Variants in PEX6 observed in about 807,000 individuals in gnomAD.
PEX6 encodes peroxisome biogenesis factor 6.
Under a neutral mutation model 85.6 loss-of-function variants are expected in PEX6, and 55 were observed. That is an observed-to-expected ratio of 0.64 (90% CI 0.52 to 0.80). PEX6 has a LOEUF of 0.80. PEX6 is among the 30% of genes least tolerant of loss of function. The probability of loss-of-function intolerance (pLI) is 0.00; values close to 1 mark genes in which losing one functional copy is unlikely to be tolerated. For synonymous variants in PEX6, 519 were observed against 549.1 expected, an observed-to-expected ratio of 0.95 and a Z score of 0.77; for missense variants, 1,099 against 1,260.3, an observed-to-expected ratio of 0.87 and a Z score of 1.94.
chr6:42,977,004 C>T (rs891356137), intron 1 of PEX6, among the ~76,000 whole-genome samples: 5 of 152,052 alleles, frequency 3.3e-5, no homozygotes, highest in South Asian at 2.1e-4. Flanking sequence ...GTTCTAAATT[C>T]GTGGCTGTGA....
rs1251800022 is a variant in PEX6 at position 42,964,428 on chromosome 6, G to C, written c.2850C>G (p.Asp950Glu). 4.3e-6 allele frequency: 7 copies of C among 1,613,756 alleles called. No individual in the cohort carries two copies. The highest frequency in any genetic ancestry group is 3.3e-5 in the Admixed American group (2 of 60,008). The part of the protein sequence containing the change: ...GSSALMLTME[D>E]LLQAAARLQP... ...GCAGCCGGGCGGCAGCCTGCAGCAA[G>C]TCCTCCATGGTGAGCATCAGTGCTG... The change falls in exon 17 of 17, where the codon GAC becomes GAG. Residue 950 changes from aspartate (D) to glutamate (E), a missense_variant. By Grantham distance (45) the Asp-to-Glu change is conservative. This residue lies in a region of PEX6 where 514 missense variants were observed against 627.0 expected (regional missense o/e 0.82). Transcript: ENST00000304611. This position sits in a 1 kb window ranked among gnomAD's most constrained non-coding sequence, Gnocchi z 4.6.
At chr6:42,968,696 C>T in intron 6 of PEX6, among the ~76,000 whole-genome samples, 178 bp downstream of exon 6, 1 of 152,202 alleles carries the variant, frequency 6.6e-6, no homozygotes, top group East Asian at 1.9e-4. Context: ...TTGCAACTCC[C>T]TCCTCCTTGA....
In PEX6 at chr6:42,965,699, G is replaced by C. The variant is rs1769763491; in HGVS notation, c.2453C>G (p.Ser818Cys). 6.2e-7 allele frequency: 1 copy of C among 1,613,584 alleles called. No homozygotes were observed. The highest frequency in any genetic ancestry group is 8.5e-7 in the Non-Finnish European group (1 of 1,179,528). ...CCCCTACCTGTCCATCACTCCTCCA[G>C]AATCTCCACTTCGCCCCCGGCTTGG... is the stretch of plus-strand genomic sequence containing the variant. The part of the protein sequence containing the change: ...LAPSRGRSGD[S>C]GGVMDRVVSQ... Residue 818 changes from serine (S) to cysteine (C), a missense_variant, in exon 13 of 17, where the codon TCT (serine) becomes TGT (cysteine). By Grantham distance (112) the Ser-to-Cys change is moderately radical. Coordinates refer to ENST00000304611, the MANE Select transcript of PEX6 (RefSeq NM_000287.4). The surrounding 1 kb of genome is among the most constrained non-coding windows in gnomAD (Gnocchi z 5.0).
intron 1 of PEX6, among the ~76,000 whole-genome samples, chr6:42,976,903 T>A (rs897336319): frequency 6.6e-6 from 1 of 152,130 alleles, no homozygotes; most frequent in Non-Finnish European, 1.5e-5. Flanking sequence ...GTATTTACAA[T>A]ATATAATTGG....
In PEX6 at chr6:42,966,230, C is replaced by T. The variant is rs1354568509; in HGVS notation, c.2300+12G>A. ...TGATCCACCCACCATCCCTTCCAGG[C>T]CCCCTGGCCACCTGAGGAAGGTAAG... is the stretch of plus-strand genomic sequence containing the variant. On this transcript the variant is annotated intron_variant, in intron 11 of 16. Coordinates refer to ENST00000304611, the MANE Select transcript of PEX6 (RefSeq NM_000287.4). 2 of 1,611,164 alleles carry T rather than the reference C, an allele frequency of 1.2e-6. No individual in the cohort carries two copies. The highest frequency in any genetic ancestry group is 2.2e-5 in the East Asian group (1 of 44,874).
chr6:42,968,743 C>A (rs1769942067), intron 6 of PEX6, 131 bp downstream of exon 6: 2 of 816,648 alleles, frequency 2.4e-6, no homozygotes, highest in Admixed American at 3.6e-5. Flanking sequence ...TGGGAATATG[C>A]CTGACCCACT....
chr6:42,977,842 C>CTTT (rs34177781), intron 1 of PEX6, among the ~76,000 whole-genome samples: 2 of 115,652 alleles, frequency 1.7e-5, no homozygotes, highest in Non-Finnish European at 3.4e-5. Flanking sequence ...AAACATTATG[C>CTTT]TTTTTTTTTT....
chr6:42,978,491 G>T lies in PEX6; in HGVS notation c.660C>A (p.Gly220=). The T allele has an allele frequency of 6.2e-7, 1 of 1,614,126 alleles. No homozygotes were observed. Among genetic ancestry groups the T allele is most frequent in the Non-Finnish European group, 8.5e-7 (1 of 1,180,022 alleles). The change falls in exon 1 of 17, where the codon GGC becomes GGA. Residue 220 remains glycine, a synonymous_variant. Coordinates refer to ENST00000304611, the MANE Select transcript of PEX6 (RefSeq NM_000287.4). ...SCLRGLGLFQ[G]EWVWVAQARE... ...TGGCCTGGGCCACCCACACCCATTC[G>T]CCCTGGAAGAGGCCAAGGCCACGGA...
rs886037782 is a variant in PEX6 at position 42,964,882 on chromosome 6, C to A, written c.2714G>T (p.Cys905Phe). Residue 905 changes from cysteine to phenylalanine, a missense_variant, in exon 16 of 17, where the codon TGC becomes TTC. Cys to Phe is a radical substitution (Grantham distance 205). Coordinates refer to ENST00000304611, the MANE Select transcript of PEX6 (RefSeq NM_000287.4). This position sits in a 1 kb window ranked among gnomAD's most constrained non-coding sequence, Gnocchi z 4.6. ...GTCCGCGCCCGTCAGCTGGGGAGGG[C>A]AGCAATCTAGCACGTTTACCAGGCT... is the stretch of plus-strand genomic sequence containing the variant. ...SVSLVNVLDC[C>F]PPQLTGADLY... 1.1e-5 allele frequency: 17 copies of A among 1,614,138 alleles called. No individual in the cohort carries two copies. The highest frequency in any genetic ancestry group is 1.4e-5 in the Non-Finnish European group (16 of 1,180,022).
rs1769988633 is a variant in PEX6 at position 42,969,676 on chromosome 6, G to A, written c.1359C>T (p.Leu453=). Residue 453 remains leucine, a synonymous_variant, in exon 5 of 17, where the codon CTC becomes CTT. Coordinates refer to ENST00000304611, the MANE Select transcript of PEX6 (RefSeq NM_000287.4). Reference sequence around the variant, plus strand: ...GTGATGACCTCACTCACCCTGGCTGGAGGCGAGGCTTCAGGACAGCACAGA... The same window carrying A: ...GTGATGACCTCACTCACCCTGGCTGAAGGCGAGGCTTCAGGACAGCACAGA... The part of the protein sequence containing the change: ...SELCAVLKPR[L]QPGGALLTGT... 15 of 1,612,592 alleles carry A rather than the reference G, an allele frequency of 9.3e-6. No individual in the cohort carries two copies. Among genetic ancestry groups the A allele is most frequent in the Non-Finnish European group, 1.2e-5 (14 of 1,180,014 alleles).
rs748585216 is a variant in PEX6, at chr6:42,979,147, C to A, written c.4G>T (p.Ala2Ser). 6.3e-7 allele frequency: 1 copy of A among 1,578,270 alleles called. No homozygotes were observed. The highest frequency in any genetic ancestry group is 8.5e-7 in the Non-Finnish European group (1 of 1,170,814). The part of the protein sequence containing the change: M[A>S]LAVLRVLEPF... ...TCCAGGACCCGCAAGACAGCCAGCG[C>A]CATGGTGACAGGACACCAACGAGGA... is the stretch of plus-strand genomic sequence containing the variant. Residue 2 changes from alanine to serine, a missense_variant, in exon 1 of 17, where the codon GCG becomes TCG. By Grantham distance (99) the Ala-to-Ser change is moderately conservative (BLOSUM62 1). Coordinates refer to ENST00000304611, the MANE Select transcript of PEX6 (RefSeq NM_000287.4).
In PEX6 at chr6:42,968,423, G is replaced by A. The variant is rs924649541; in HGVS notation, c.1555C>T (p.Arg519Cys). The A allele has an allele frequency of 8.1e-6, 13 of 1,612,632 alleles. No individual in the cohort carries two copies. Among genetic ancestry groups the A allele is most frequent in the African/African-American group, 6.7e-5 (5 of 74,904 alleles). ...AACAGGACTGCAGGCCGGCAACGGC[G>A]GGCCCGGGAGAAGATGGCCTGCAGT... ...TKLQAIFSRA[R>C]RCRPAVLLLT... is the part of the protein sequence containing the mutation. Residue 519 changes from arginine (R) to cysteine (C), a missense_variant, in exon 7 of 17, where the codon CGC becomes TGC. Arg to Cys is a radical substitution (Grantham distance 180). This residue lies in a region of PEX6 where 514 missense variants were observed against 627.0 expected (regional missense o/e 0.82). Transcript: ENST00000304611.
rs763635472 is a variant in PEX6 at position 42,966,024 on chromosome 6, G to T, written c.2362+20C>A. On this transcript the variant is annotated intron_variant, in intron 12 of 16. Coordinates refer to ENST00000304611, the MANE Select transcript of PEX6 (RefSeq NM_000287.4). ...GGGTTTGGGAAGCATGGGACGCCCT[G>T]CCCCTCCCTGCTCACTCACCTTCCC... 4 of 1,612,674 alleles carry T rather than the reference G, an allele frequency of 2.5e-6. No homozygotes were observed. The East Asian group carries it at 8.9e-5, about 36-fold the overall frequency.
At position 42,971,859 on chromosome 6, in the gene PEX6, G is replaced by A. The variant is rs533764198; in HGVS notation, c.1131-1872C>T. 5.9e-5 allele frequency among the ~76,000 whole-genome samples: 9 copies of A among 152,324 alleles called. No individual in the cohort carries two copies. The highest frequency in any genetic ancestry group is 2.2e-4 in the African/African-American group (9 of 41,578). On this transcript the variant is annotated intron_variant, in intron 3 of 16. Transcript: ENST00000304611. The surrounding 1 kb of genome is among the most constrained non-coding windows in gnomAD (Gnocchi z 4.4). ...ATTTTCCTTTGAAAGTACAAAGAGTGGGCATTCTGTAGTTTTCCTACTGAA... is the reference window on the plus strand; with the variant it reads ...ATTTTCCTTTGAAAGTACAAAGAGTAGGCATTCTGTAGTTTTCCTACTGAA...
In PEX6 at chr6:42,965,334, G is replaced by C; in HGVS notation, c.2506C>G (p.Leu836Val). 1 of 1,614,116 alleles carries C rather than the reference G, an allele frequency of 6.2e-7. No individual in the cohort carries two copies. ...ACAAACACATCCTGAGTGCTGTGCA[G>C]CCCATCTAGCTCGGCAAGGAGCTGA... ...VSQLLAELDGLHSTQDVFVIG... is the reference protein window; with the variant it reads ...VSQLLAELDGVHSTQDVFVIG... Residue 836 changes from leucine (L) to valine (V), a missense_variant, in exon 14 of 17, where the codon CTG becomes GTG. Leu to Val is a conservative substitution (Grantham distance 32). Around this residue, in one of 3 missense-constraint regions of PEX6, gnomAD observed 514 missense variants for 627.0 expected, o/e 0.82. Coordinates refer to ENST00000304611, the MANE Select transcript of PEX6 (RefSeq NM_000287.4). The surrounding 1 kb of genome is among the most constrained non-coding windows in gnomAD (Gnocchi z 5.0).
chr6:42,979,128 A>G lies in PEX6; in HGVS notation c.23T>C (p.Val8Ala). 1 of 1,576,266 alleles carries G rather than the reference A, an allele frequency of 6.3e-7. No individual in the cohort carries two copies. The highest frequency in any genetic ancestry group is 8.5e-7 in the Non-Finnish European group (1 of 1,169,964). The change falls in exon 1 of 17, where the codon GTC becomes GCC. Residue 8 changes from valine (V) to alanine (A), a missense_variant. Val to Ala is a moderately conservative substitution (Grantham distance 64). Transcript: ENST00000304611. ...TGTCTCGGTCGGAAAGGGCTCCAGG[A>G]CCCGCAAGACAGCCAGCGCCATGGT... MALAVLR[V>A]LEPFPTETPP...
In PEX6 at chr6:42,979,099, G is replaced by A. The variant is rs1770447100; in HGVS notation, c.52C>T (p.Pro18Ser). 1.3e-6 allele frequency: 2 copies of A among 1,559,804 alleles called. No individual in the cohort carries two copies. The highest frequency in any genetic ancestry group is 2.3e-5 in the South Asian group (2 of 85,982). The change falls in exon 1 of 17, where the codon CCG (proline) becomes TCG (serine). Residue 18 changes from proline (P) to serine (S), a missense_variant. Around this residue, in one of 3 missense-constraint regions of PEX6, gnomAD observed 579 missense variants for 611.6 expected, o/e 0.95. Transcript: ENST00000304611. ...VLEPFPTETP[P>S]LAVLLPPGGP... is the part of the protein sequence containing the mutation. ...CCGGGTGGCAGCAGCACTGCCAACGGGGGTGTCTCGGTCGGAAAGGGCTCC... is the reference window on the plus strand; with the variant it reads ...CCGGGTGGCAGCAGCACTGCCAACGAGGGTGTCTCGGTCGGAAAGGGCTCC...
Position 42,978,559 on chromosome 6 carries a change from G to A in PEX6, c.592C>T (p.Leu198=). The change falls in exon 1 of 17, where the codon CTG becomes TTG. Residue 198 remains leucine, a synonymous_variant. Transcript: ENST00000304611. ...SGTVRRLQGV[L]GGTGDSLGVS... is the part of the protein sequence containing the mutation. ...CCTAGTGAATCTCCAGTCCCTCCCA[G>A]AACTCCCTGGAGTCGCCGCACTGTG... 6.2e-7 allele frequency: 1 copy of A among 1,612,998 alleles called. No homozygotes were observed. Among genetic ancestry groups the A allele is most frequent in the African/African-American group, 1.3e-5 (1 of 75,054 alleles).
At position 42,965,542 on chromosome 6, in the gene PEX6, C is replaced by A; in HGVS notation, c.2471+139G>T. ...CAGTGGACCCTGCCCAATTTCATGGCCCCTTTCAGCTTCCATTATATTATC... is the reference window on the plus strand; with the variant it reads ...CAGTGGACCCTGCCCAATTTCATGGACCCTTTCAGCTTCCATTATATTATC... On this transcript the variant is annotated intron_variant, in intron 13 of 16. Transcript: ENST00000304611. This position sits in a 1 kb window ranked among gnomAD's most constrained non-coding sequence, Gnocchi z 5.0. 1.1e-6 allele frequency: 1 copy of A among 892,614 alleles called. No homozygotes were observed. Among genetic ancestry groups the A allele is most frequent in the Non-Finnish European group, 1.9e-6 (1 of 526,274 alleles). 55.3% of individuals were successfully genotyped at this position (892,614 alleles called of 1,614,324 possible). A position where few individuals can be genotyped will look rare whatever the true frequency, so the allele number is the denominator to read the frequency against.
Sources: allele counts gnomAD v4.1 joint callset (sites outside exome capture counted in the v4.1 genomes callset), GRCh38; gene constraint gnomAD v4.1.1; regional missense constraint gnomAD v4.1.1; non-coding constraint Gnocchi (gnomAD v3.1); transcripts MANE v1.5; gene names NCBI Gene and HGNC (gene_info 2026-07-23, HGNC 2026-07-21).